DNM3: variants seen among roughly 807,000 people sequenced by gnomAD.
The protein encoded by DNM3 is dynamin 3, also known as dynamin-3.
A neutral mutation model predicts 101.6 loss-of-function variants in DNM3; 47 were observed. That is an observed-to-expected ratio of 0.46 (90% CI 0.37 to 0.59). The LOEUF (loss-of-function observed/expected upper bound fraction) is 0.59, where lower values mean the gene tolerates loss of function less well. Ranked by LOEUF, DNM3 falls within the 20% of genes least tolerant of loss-of-function variation. The probability of loss-of-function intolerance (pLI) is 0.00; values close to 1 mark genes in which losing one functional copy is unlikely to be tolerated. For missense variants in DNM3, 849 were observed against 1,085.7 expected (o/e 0.78, Z 3.06); for synonymous variants, 385 against 387.9 (o/e 0.99, Z 0.09).
At chr1:171,907,530 T>G (rs2125258342) in intron 1 of DNM3, among the ~76,000 whole-genome samples, 1 of 151,438 alleles carries the variant, frequency 6.6e-6, no homozygotes, top group East Asian at 1.9e-4. Context: ...GTCATGTTAC[T>G]CCTCTGCTCA....
At chr1:172,121,713 A>G (rs1408354804) in intron 13 of DNM3, among the ~76,000 whole-genome samples, 1 of 152,216 alleles carries the variant, frequency 6.6e-6, no homozygotes, top group Non-Finnish European at 1.5e-5. Flanking sequence ...TTAGTTGGTT[A>G]CAATTTAAAC....
intron 4 of DNM3, among the ~76,000 whole-genome samples, chr1:171,991,129 A>G (rs1341178733): frequency 6.6e-6 from 1 of 152,106 alleles, no homozygotes; most frequent in Admixed American, 6.6e-5. Flanking sequence ...CTATATTCTC[A>G]AACACGCTTC....
intron 1 of DNM3, among the ~76,000 whole-genome samples, chr1:171,893,998 A>G (rs2037532380): frequency 6.6e-6 from 1 of 151,228 alleles, no homozygotes; most frequent in Non-Finnish European, 1.5e-5. Context: ...TAATTTTTGT[A>G]TTTTTAGTAG....
At chr1:171,915,664 A>G (rs926342015) in intron 1 of DNM3, among the ~76,000 whole-genome samples, 1 of 152,132 alleles carries the variant, frequency 6.6e-6, no homozygotes, top group African/African-American at 2.4e-5. Flanking sequence ...CCTAGTGGAG[A>G]TGTTTAAGAG....
At chr1:172,262,389 G>A (rs551467050) in intron 15 of DNM3, among the ~76,000 whole-genome samples, 202 of 152,270 alleles carry the variant, frequency 1.3e-3, no homozygotes, top group Non-Finnish European at 2.1e-3. Context: ...TCAAAATGGC[G>A]TATGCAGCAG....
chr1:171,937,715 G>A (rs2041536710), intron 2 of DNM3, among the ~76,000 whole-genome samples: 1 of 152,030 alleles, frequency 6.6e-6, no homozygotes, highest in Admixed American at 6.6e-5. Context: ...GACCACAGGG[G>A]TGTGCCACCA....
intron 9 of DNM3, among the ~76,000 whole-genome samples, chr1:172,046,830 G>A (rs1364776272): frequency 6.6e-6 from 1 of 152,108 alleles, no homozygotes; most frequent in Admixed American, 6.6e-5. Context: ...TAAATGCAGT[G>A]GAACCAAATT....
At chr1:171,934,987 A>C (rs2041297566) in intron 2 of DNM3, among the ~76,000 whole-genome samples, 1 of 152,206 alleles carries the variant, frequency 6.6e-6, no homozygotes, top group African/African-American at 2.4e-5. Context: ...AAGAGACTTA[A>C]GCAATTTATC....
At chr1:172,215,908 T>G (rs2148540896) in intron 14 of DNM3, among the ~76,000 whole-genome samples, 1 of 151,742 alleles carries the variant, frequency 6.6e-6, no homozygotes, top group East Asian at 1.9e-4. Flanking sequence ...TTGAGTTATT[T>G]TCTTGAAAAT....
rs923489134 is a variant in DNM3 at position 172,411,099 on chromosome 1, T to C, written c.*3258T>C. The C allele has an allele frequency of 1.0e-6, 1 of 983,570 alleles. No individual in the cohort carries two copies. The highest frequency in any genetic ancestry group is 6.2e-5 in the Admixed American group (1 of 16,254). The allele number at this position is 983,570 out of a possible 1,614,324, so 60.9% of individuals were successfully genotyped here. A position where few individuals can be genotyped will look rare whatever the true frequency, so the allele number is the denominator to read the frequency against. On this transcript the variant is annotated 3_prime_UTR_variant, in exon 21 of 21. Coordinates refer to ENST00000627582, the MANE Select transcript of DNM3 (RefSeq NM_015569.5). ...TGCACTGTGTGTATATATATAAATA[T>C]ATGTATATGTATGGTTGTAAATATC...
At chr1:172,046,965 T>A (rs2049858672) in intron 9 of DNM3, among the ~76,000 whole-genome samples, 1 of 151,972 alleles carries the variant, frequency 6.6e-6, no homozygotes, top group Admixed American at 6.6e-5. Flanking sequence ...AATTCAGAAT[T>A]GTCAATTTCT....
intron 2 of DNM3, among the ~76,000 whole-genome samples, chr1:171,955,977 G>A (rs1284879706): frequency 6.6e-6 from 1 of 152,140 alleles, no homozygotes; most frequent in African/African-American, 2.4e-5. Flanking sequence ...AGAACAGCAT[G>A]AGAAAGATCC....
chr1:172,208,649 T>C (rs7520165), intron 14 of DNM3, among the ~76,000 whole-genome samples: 1,647 of 152,204 alleles, frequency 0.011, 13 homozygotes, highest in Non-Finnish European at 0.015. Context: ...TATTTCTACA[T>C]ACCCTATTTG....
chr1:171,848,534 T>C (rs1351846965), intron 1 of DNM3, among the ~76,000 whole-genome samples: 1 of 152,192 alleles, frequency 6.6e-6, no homozygotes, highest in Non-Finnish European at 1.5e-5. Context: ...TGGTCATCAA[T>C]AGGCCTTGCT....
chr1:171,931,056 C>T (rs1277656695), intron 2 of DNM3, among the ~76,000 whole-genome samples: 1 of 152,070 alleles, frequency 6.6e-6, no homozygotes, highest in Non-Finnish European at 1.5e-5. Flanking sequence ...AAGCCCTCAT[C>T]TGTATAACAA....
intron 13 of DNM3, among the ~76,000 whole-genome samples, chr1:172,113,334 T>C (rs1164397635): frequency 2.0e-5 from 3 of 152,156 alleles, no homozygotes; most frequent in Admixed American, 6.5e-5. Flanking sequence ...GGATATACTA[T>C]TATTAGCTCT....
At chr1:172,129,645 T>C (rs923634497) in intron 13 of DNM3, among the ~76,000 whole-genome samples, 1 of 152,112 alleles carries the variant, frequency 6.6e-6, no homozygotes, top group Admixed American at 6.6e-5. Flanking sequence ...TCCATTTTTA[T>C]TCCATCAGGT....
chr1:171,950,307 C>A (rs1316463930), intron 2 of DNM3, among the ~76,000 whole-genome samples: 3 of 152,128 alleles, frequency 2.0e-5, no homozygotes, highest in Non-Finnish European at 2.9e-5. Flanking sequence ...AAGCAATATG[C>A]ATTCGGTAGA....
At chr1:172,125,430 G>A (rs568857705) in intron 13 of DNM3, among the ~76,000 whole-genome samples, 15 of 152,182 alleles carry the variant, frequency 9.9e-5, no homozygotes, top group East Asian at 7.7e-4. Context: ...GAACTTACCC[G>A]TAACATACAG....
Sources: gnomAD v4.1 joint callset for allele counts (sites outside exome capture counted in the v4.1 genomes callset) on GRCh38, gnomAD v4.1.1 for gene constraint, MANE v1.5 for transcripts, NCBI Gene and HGNC (gene_info 2026-07-23, HGNC 2026-07-21) for gene names.